TUBGCP2: variants seen among roughly 807,000 people sequenced by gnomAD.
The protein encoded by TUBGCP2 is gamma-tubulin complex component 2.
Under a neutral mutation model 92.2 loss-of-function variants are expected in TUBGCP2, and 55 were observed. That is an observed-to-expected ratio of 0.60 (90% confidence interval 0.48 to 0.75). The LOEUF is 0.75. Ranked by LOEUF, TUBGCP2 falls within the 30% of genes least tolerant of loss-of-function variation. The pLI is 0.00. For missense variants in TUBGCP2, 1,093 were observed against 1,188.9 expected (o/e 0.92, Z 1.19); for synonymous variants, 533 against 505.2 (o/e 1.06, Z -0.74).
At chr10:133,296,673 C>T (rs755672436) in intron 5 of TUBGCP2, among the ~76,000 whole-genome samples, 1 of 152,090 alleles carries the variant, frequency 6.6e-6, no homozygotes, top group Non-Finnish European at 1.5e-5. Flanking sequence ...AGACTAGTCT[C>T]GTCCTGTCGC....
chr10:133,292,868 C>T (rs980070735), intron 7 of TUBGCP2, among the ~76,000 whole-genome samples, 171 bp downstream of exon 7: 23 of 152,218 alleles, frequency 1.5e-4, no homozygotes, highest in African/African-American at 5.5e-4. Context: ...TAAGAGCTTC[C>T]AGGGCTTTCC....
chr10:133,311,742 A>C (rs768404597), upstream of TUBGCP2: 2 of 1,613,536 alleles, frequency 1.2e-6, no homozygotes, highest in Admixed American at 1.7e-5. Context: ...GCCCCAGGGG[A>C]CAGTGGAGAG....
chr10:133,311,768 G>A, upstream of TUBGCP2: 3 of 1,613,770 alleles, frequency 1.9e-6, no homozygotes, highest in South Asian at 1.1e-5. Context: ...AGAAGGGGAG[G>A]CCATGGAAAT....
At chr10:133,303,229 G>A (rs1401557679) in intron 1 of TUBGCP2, among the ~76,000 whole-genome samples, 2 of 149,170 alleles carry the variant, frequency 1.3e-5, no homozygotes, top group Non-Finnish European at 3.0e-5. Context: ...ACTGGGATTA[G>A]GGCCCCTCCC....
Position 133,285,754 on chromosome 10 carries a change from T to C in TUBGCP2, c.1723-126A>G, listed in dbSNP as rs1353052954. ...AGGTTCCCTACATTCCGATTCTAAA[T>C]ATCAGAGGCTTTTCAAAAACCCAAA... On this transcript the variant is annotated intron_variant, in intron 11 of 17. Transcript: ENST00000252936. The surrounding 1 kb of genome is among the most constrained non-coding windows in gnomAD (Gnocchi z 6.8). 1 of 911,428 alleles carries C rather than the reference T, an allele frequency of 1.1e-6. No individual in the cohort carries two copies. The highest frequency in any genetic ancestry group is 3.0e-5 in the East Asian group (1 of 32,798). 56.5% of individuals were successfully genotyped at this position (911,428 alleles called of 1,614,324 possible).
chr10:133,292,910 GAGCTTTGGCCACACGCCCCTGCCCTGGGC>G lies in TUBGCP2; in HGVS notation c.1024+100_1024+128del, dbSNP rs1847394465. On this transcript the variant is annotated intron_variant, in intron 7 of 17. Transcript: ENST00000252936. Reference sequence around the variant, plus strand: ...AAGTTAATAGCACATGGAGCAACATGAGCTTTGGCCACACGCCCCTGCCCTGGGCAGCTGCTCCACGGCCCCTGCAGAGT... The same window carrying G: ...AAGTTAATAGCACATGGAGCAACATGAGCTGCTCCACGGCCCCTGCAGAGT... 6.8e-6 allele frequency: 8 copies of G among 1,174,196 alleles called. No homozygotes were observed. The East Asian group carries it at 2.0e-4, about 30-fold the overall frequency. 72.7% of individuals were successfully genotyped at this position (1,174,196 alleles called of 1,614,324 possible). A position where few individuals can be genotyped will look rare whatever the true frequency, so the allele number is the denominator to read the frequency against.
At position 133,302,735 on chromosome 10, in the gene TUBGCP2, C is replaced by T. The variant is rs1241377749; in HGVS notation, c.150+57G>A. The T allele has an allele frequency of 1.1e-5, 17 of 1,605,458 alleles. No individual in the cohort carries two copies. The African/African-American group carries it at 2.0e-4, about 19-fold the overall frequency. ...CCAGGGGTGGGCTCACCCTGCACCA[C>T]CCTGACCCAGGAACAGTGCTCACCC... On this transcript the variant is annotated intron_variant, in intron 2 of 17. Coordinates refer to ENST00000252936, the MANE Select transcript of TUBGCP2 (RefSeq NM_006659.4).
upstream of TUBGCP2, chr10:133,309,392 T>G: frequency 1.2e-6 from 2 of 1,611,380 alleles, no homozygotes; most frequent in Non-Finnish European, 1.7e-6. Context: ...TCCTGCAGGA[T>G]GGGGACGTGC....
intron 4 of TUBGCP2, among the ~76,000 whole-genome samples, chr10:133,298,495 C>T (rs535794703): frequency 1.3e-5 from 2 of 152,392 alleles, no homozygotes; most frequent in South Asian, 4.1e-4. Flanking sequence ...TAGGTCTGAA[C>T]ACCACTTGAT....
chr10:133,279,819 C>T lies in TUBGCP2; in HGVS notation c.2656G>A (p.Val886Ile). 1 of 1,589,616 alleles carries T rather than the reference C, an allele frequency of 6.3e-7. No individual in the cohort carries two copies. The highest frequency in any genetic ancestry group is 8.6e-7 in the Non-Finnish European group (1 of 1,168,930). The change falls in exon 18 of 18, where the codon GTC (valine) becomes ATC (isoleucine). Residue 886 changes from valine (V) to isoleucine (I), a missense_variant. This residue lies in a region of TUBGCP2 where 598 missense variants were observed against 675.5 expected (regional missense o/e 0.89). Transcript: ENST00000252936. ...GCAGGAGCCGGGGGCCCCCGCAGGA[C>T]AGGCACTTGGGGGGTGGCCTTCTGG... ...RSQKATPQVP[V>I]LRGPPAPAPR...
At chr10:133,309,698 C>CA (rs1220918317), upstream of TUBGCP2, 3 of 1,550,044 alleles carry the variant, frequency 1.9e-6, no homozygotes, top group Non-Finnish European at 2.7e-6. Context: ...TTGGACGTCT[C>CA]AAAGGGAAAC....
Position 133,278,761 on chromosome 10 carries a change from G to A in TUBGCP2, c.*1005C>T, listed in dbSNP as rs952628074. 2.8e-5 allele frequency: 3 copies of A among 106,184 alleles called. No homozygotes were observed. Among genetic ancestry groups the A allele is most frequent in the Non-Finnish European group, 3.8e-5 (2 of 52,052 alleles). 6.6% of individuals were successfully genotyped at this position (106,184 alleles called of 1,614,324 possible). ...GCGGTGCTCTCAGTGAGGCAGCCCC[G>A]GGTGAGAGCTGCCCACAACCCTTGT... On this transcript the variant is annotated 3_prime_UTR_variant, in exon 18 of 18. Coordinates refer to ENST00000252936, the MANE Select transcript of TUBGCP2 (RefSeq NM_006659.4).
At position 133,279,622 on chromosome 10, in the gene TUBGCP2, G is replaced by C; in HGVS notation, c.*144C>G. Reference sequence around the variant, plus strand: ...TATAAAACGAAACCCAGCGCCTTGAGAAACAAAGTGAGCTGAGTCAATCAT... The same window carrying C: ...TATAAAACGAAACCCAGCGCCTTGACAAACAAAGTGAGCTGAGTCAATCAT... On this transcript the variant is annotated 3_prime_UTR_variant, in exon 18 of 18. Transcript: ENST00000252936. 7.8e-7 allele frequency: 1 copy of C among 1,284,152 alleles called. No individual in the cohort carries two copies. Among genetic ancestry groups the C allele is most frequent in the Non-Finnish European group, 1.0e-6 (1 of 986,920 alleles). 79.5% of individuals were successfully genotyped at this position (1,284,152 alleles called of 1,614,324 possible). A position where few individuals can be genotyped will look rare whatever the true frequency, so the allele number is the denominator to read the frequency against.
chr10:133,285,669 G>A lies in TUBGCP2; in HGVS notation c.1723-41C>T. ...ATGAAACAAAGCATCCAGTTTTAAG[G>A]AAAAGACCCGAAGTCGCATCCCGAT... On this transcript the variant is annotated intron_variant, in intron 11 of 17. Transcript: ENST00000252936. This position sits in a 1 kb window ranked among gnomAD's most constrained non-coding sequence, Gnocchi z 6.8. The A allele has an allele frequency of 6.7e-7, 1 of 1,481,960 alleles. No homozygotes were observed. The highest frequency in any genetic ancestry group is 1.8e-4 in the Middle Eastern group (1 of 5,526). The allele number at this position is 1,481,960 out of a possible 1,614,324, so 91.8% of individuals were successfully genotyped here. A position where few individuals can be genotyped will look rare whatever the true frequency, so the allele number is the denominator to read the frequency against.
chr10:133,291,219 CAG>C (rs1228408463), intron 8 of TUBGCP2, among the ~76,000 whole-genome samples: 1 of 150,874 alleles, frequency 6.6e-6, no homozygotes, highest in Non-Finnish European at 1.5e-5. Context: ...CCAGAGCCCC[CAG>C]AGAGGGCAGC....
chr10:133,294,248 A>C (rs1296262654), intron 5 of TUBGCP2, among the ~76,000 whole-genome samples: 2 of 152,272 alleles, frequency 1.3e-5, no homozygotes, highest in Non-Finnish European at 2.9e-5. Flanking sequence ...CTTCCTCACG[A>C]GGACGGCCAC....
At chr10:133,282,419 G>T (rs1847007739) in intron 15 of TUBGCP2, 77 bp from the exon 16 acceptor site, 1 of 1,503,054 alleles carries the variant, frequency 6.7e-7, no homozygotes, top group Non-Finnish European at 8.9e-7. Flanking sequence ...AAGTCCTGCA[G>T]GCACGTCACC....
At position 133,279,738 on chromosome 10, in the gene TUBGCP2, C is replaced by A; in HGVS notation, c.*28G>T. On this transcript the variant is annotated 3_prime_UTR_variant, in exon 18 of 18. Transcript: ENST00000252936. ...TTTGCACCAGTCCCTGCTGACCCCA[C>A]ACCCTTCCTTCCTGTCACAGCCAGG... The A allele has an allele frequency of 6.5e-7, 1 of 1,541,790 alleles. No individual in the cohort carries two copies. Among genetic ancestry groups the A allele is most frequent in the Non-Finnish European group, 8.8e-7 (1 of 1,142,116 alleles).
rs1345139118 is a variant in TUBGCP2, at chr10:133,299,965, C to A, written c.279+20G>T. 1 of 1,612,906 alleles carries A rather than the reference C, an allele frequency of 6.2e-7. No homozygotes were observed. Among genetic ancestry groups the A allele is most frequent in the Non-Finnish European group, 8.5e-7 (1 of 1,179,156 alleles). ...CATGGGCCGTACGGGCGCAGTGTGG[C>A]ACGTGGCATGGGCACCTACCTCTTT... On this transcript the variant is annotated intron_variant, in intron 3 of 17. Coordinates refer to ENST00000252936, the MANE Select transcript of TUBGCP2 (RefSeq NM_006659.4).
Sources: gnomAD v4.1 joint callset for allele counts (sites outside exome capture counted in the v4.1 genomes callset) on GRCh38, gnomAD v4.1.1 for gene constraint, gnomAD v4.1.1 regional missense constraint, Gnocchi (gnomAD v3.1) non-coding constraint, MANE v1.5 for transcripts, NCBI Gene and HGNC (gene_info 2026-07-23, HGNC 2026-07-21) for gene names.